Variants in FUT9 observed in about 807,000 individuals in gnomAD.
FUT9 encodes 4-galactosyl-N-acetylglucosaminide 3-alpha-L-fucosyltransferase 9.
FUT9 carries 15 observed loss-of-function variants against 29.7 expected under a neutral mutation model. That is an observed-to-expected ratio of 0.51 (90% CI 0.34 to 0.78). The LOEUF (loss-of-function observed/expected upper bound fraction) is 0.78, where lower values mean the gene tolerates loss of function less well. Ranked by LOEUF, FUT9 falls within the 30% of genes least tolerant of loss-of-function variation. The probability of loss-of-function intolerance (pLI) is 0.01; values close to 1 mark genes in which losing one functional copy is unlikely to be tolerated. For synonymous variants in FUT9, 169 were observed against 153.7 expected, an observed-to-expected ratio of 1.10 and a Z score of -0.74; for missense variants, 319 against 425.4, an observed-to-expected ratio of 0.75 and a Z score of 2.20.
chr6:96,033,635 C>T (rs1217661436), intron 1 of FUT9, among the ~76,000 whole-genome samples: 1 of 151,554 alleles, frequency 6.6e-6, no homozygotes, highest in East Asian at 1.9e-4. Flanking sequence ...TGACATAGAC[C>T]AGTTGTATAA....
At chr6:96,045,224 G>A (rs968215151) in intron 1 of FUT9, among the ~76,000 whole-genome samples, 1 of 152,174 alleles carries the variant, frequency 6.6e-6, no homozygotes, top group African/African-American at 2.4e-5. Context: ...TAAAATGACT[G>A]GTGGAAATGT....
chr6:96,131,341 T>A (rs1299370947), intron 2 of FUT9, among the ~76,000 whole-genome samples: 3 of 152,150 alleles, frequency 2.0e-5, no homozygotes, highest in Non-Finnish European at 4.4e-5. Flanking sequence ...TTTCAACTTA[T>A]TTTTTCTTTC....
chr6:96,036,967 C>A (rs1770374503), intron 1 of FUT9: 1 of 151,958 alleles, frequency 6.6e-6, no homozygotes, highest in South Asian at 2.1e-4. Context: ...TAAACTCCTA[C>A]TCTGGAAACC....
intron 1 of FUT9, among the ~76,000 whole-genome samples, chr6:96,040,676 T>C (rs1770444619): frequency 6.6e-6 from 1 of 152,012 alleles, no homozygotes; most frequent in African/African-American, 2.4e-5. Context: ...GCAGTGTGGA[T>C]AGAGGGGAAT....
At chr6:96,185,184 AATAACACTCAAGCC>A (rs1773384188) in intron 2 of FUT9, among the ~76,000 whole-genome samples, 1 of 151,956 alleles carries the variant, frequency 6.6e-6, no homozygotes, top group Admixed American at 6.6e-5. Flanking sequence ...GAAAGGCGGG[AATAACACTCAAGCC>A]ATCGTGTTTG....
intron 1 of FUT9, among the ~76,000 whole-genome samples, chr6:96,099,454 A>G (rs1337536885): frequency 1.3e-5 from 2 of 151,992 alleles, no homozygotes; most frequent in African/African-American, 4.8e-5. Context: ...AACCTTTTGT[A>G]TTTCTTTTTA....
At chr6:96,134,433 T>C (rs1772310073) in intron 2 of FUT9, among the ~76,000 whole-genome samples, 1 of 151,810 alleles carries the variant, frequency 6.6e-6, no homozygotes, top group Non-Finnish European at 1.5e-5. Flanking sequence ...ACCAATTACT[T>C]ATTCAGGAAC....
chr6:96,030,389 TA>T (rs1180947771), intron 1 of FUT9, among the ~76,000 whole-genome samples: 12 of 151,182 alleles, frequency 7.9e-5, no homozygotes, highest in Admixed American at 7.9e-4. Context: ...CTAAGAAAAT[TA>T]AAAAAATTAA....
At chr6:96,097,468 T>G (rs571909779) in intron 1 of FUT9, among the ~76,000 whole-genome samples, 7 of 152,310 alleles carry the variant, frequency 4.6e-5, no homozygotes, top group Non-Finnish European at 7.3e-5. Flanking sequence ...GCAAAGAAGA[T>G]AGTTAAAAAT....
intron 1 of FUT9, among the ~76,000 whole-genome samples, chr6:96,032,760 C>T (rs980391032): frequency 1.3e-5 from 2 of 151,582 alleles, no homozygotes; most frequent in African/African-American, 4.8e-5. Flanking sequence ...TCATTATTAT[C>T]TCTATCCATG....
intron 2 of FUT9, among the ~76,000 whole-genome samples, chr6:96,196,481 A>G (rs1773626936): frequency 6.6e-6 from 1 of 152,074 alleles, no homozygotes; most frequent in Non-Finnish European, 1.5e-5. Flanking sequence ...TGGGAGGTTG[A>G]GGCGGGCAGA....
chr6:96,160,071 G>T (rs1253825506), intron 2 of FUT9, among the ~76,000 whole-genome samples: 1 of 152,154 alleles, frequency 6.6e-6, no homozygotes, highest in East Asian at 1.9e-4. Flanking sequence ...GTTACATTAA[G>T]ATAAAACGTT....
intron 2 of FUT9, among the ~76,000 whole-genome samples, chr6:96,190,615 C>A (rs1015705240): frequency 1.3e-5 from 2 of 152,058 alleles, no homozygotes; most frequent in African/African-American, 4.8e-5. Flanking sequence ...TCTTTTTATT[C>A]TTTTTTCTCT....
intron 1 of FUT9, among the ~76,000 whole-genome samples, chr6:96,098,553 C>G (rs2127956031): frequency 6.6e-6 from 1 of 152,232 alleles, no homozygotes; most frequent in East Asian, 1.9e-4. Context: ...AGCCACTGTT[C>G]TAGCCTGTGA....
Position 96,212,210 on chromosome 6 carries a change from C to T in FUT9, c.*7975C>T, listed in dbSNP as rs1178886181. 3 of 412,540 alleles carry T rather than the reference C, an allele frequency of 7.3e-6. No individual in the cohort carries two copies. Among genetic ancestry groups the T allele is most frequent in the African/African-American group, 4.1e-5 (2 of 48,580 alleles). 25.6% of individuals were successfully genotyped at this position (412,540 alleles called of 1,614,324 possible). On this transcript the variant is annotated 3_prime_UTR_variant, in exon 3 of 3. Coordinates refer to ENST00000302103, the MANE Select transcript of FUT9 (RefSeq NM_006581.4). ...ATCACATCTCCAGTCTCAGATTGGC[C>T]TCATTAGCCACCTTCAGTTCCTTAA...
intron 1 of FUT9, among the ~76,000 whole-genome samples, chr6:96,098,395 C>A (rs1187328688): frequency 2.0e-5 from 3 of 152,122 alleles, no homozygotes; most frequent in Non-Finnish European, 4.4e-5. Flanking sequence ...TTTAATCACT[C>A]ACGATCCACA....
chr6:96,050,985 T>G (rs1770656058), intron 1 of FUT9, among the ~76,000 whole-genome samples: 1 of 147,432 alleles, frequency 6.8e-6, no homozygotes, highest in African/African-American at 2.5e-5. Context: ...CAGGCATTTG[T>G]GGCGTGGATC....
At chr6:96,036,063 A>C (rs1040295580) in intron 1 of FUT9, among the ~76,000 whole-genome samples, 6 of 138,098 alleles carry the variant, frequency 4.3e-5, no homozygotes, top group Non-Finnish European at 9.2e-5. Flanking sequence ...TATTAATATA[A>C]TATAATACAG....
intron 2 of FUT9, among the ~76,000 whole-genome samples, chr6:96,154,935 T>C (rs1772747574): frequency 6.6e-6 from 1 of 152,170 alleles, no homozygotes; most frequent in Non-Finnish European, 1.5e-5. Context: ...TCAAAGTGCT[T>C]GCTGCTGTGC....
Sources: gnomAD v4.1 joint callset for allele counts (sites outside exome capture counted in the v4.1 genomes callset) on GRCh38, gnomAD v4.1.1 for gene constraint, MANE v1.5 for transcripts, NCBI Gene and HGNC (gene_info 2026-07-23, HGNC 2026-07-21) for gene names.